PRKD1: variants seen among roughly 807,000 people sequenced by gnomAD.
PRKD1 encodes the protein protein kinase D1, also known as serine/threonine-protein kinase D1.
In PRKD1, 63 loss-of-function variants were observed where a neutral mutation model predicts 95.9. That is an observed-to-expected ratio of 0.66 (90% confidence interval 0.54 to 0.81). The LOEUF (loss-of-function observed/expected upper bound fraction) is 0.81, where lower values mean the gene tolerates loss of function less well. PRKD1 is among the 30% of genes least tolerant of loss of function. The pLI, the probability that PRKD1 is intolerant of heterozygous loss-of-function variation, is 0.00. For synonymous variants in PRKD1, 425 were observed against 423.1 expected (o/e 1.00, Z -0.05); for missense variants, 1,048 against 1,165.3 (o/e 0.90, Z 1.47).
At chr14:29,879,789 T>C (rs1679861829) in intron 1 of PRKD1, among the ~76,000 whole-genome samples, 1 of 152,146 alleles carries the variant, frequency 6.6e-6, no homozygotes, top group African/African-American at 2.4e-5. Context: ...ATGAGGAACT[T>C]GTTGGGAACT....
intron 15 of PRKD1, among the ~76,000 whole-genome samples, chr14:29,598,213 T>G (rs1893380777): frequency 6.6e-6 from 1 of 151,162 alleles, no homozygotes; most frequent in Non-Finnish European, 1.5e-5. Flanking sequence ...GAGGCAGAGG[T>G]TGCAGTGAGC....
intron 1 of PRKD1, among the ~76,000 whole-genome samples, chr14:29,746,297 A>G (rs1253581401): frequency 2.0e-5 from 3 of 151,186 alleles, no homozygotes; most frequent in Non-Finnish European, 4.4e-5. Context: ...AACCACACCA[A>G]CTTGGCTTGG....
intron 16 of PRKD1, among the ~76,000 whole-genome samples, chr14:29,580,462 A>ATGTG (rs140296435): frequency 6.6e-6 from 1 of 151,596 alleles, no homozygotes; most frequent in Non-Finnish European, 1.5e-5. Flanking sequence ...GTATAAATAA[A>ATGTG]TGTGTGTGTG....
chr14:29,665,692 G>T (rs1193486594), intron 3 of PRKD1, among the ~76,000 whole-genome samples: 2 of 152,022 alleles, frequency 1.3e-5, no homozygotes, highest in African/African-American at 2.4e-5. Context: ...AAGAGAATGT[G>T]GAGTGTATAC....
intron 10 of PRKD1, among the ~76,000 whole-genome samples, chr14:29,630,419 G>A (rs1879920230): frequency 6.6e-6 from 1 of 152,136 alleles, no homozygotes; most frequent in African/African-American, 2.4e-5. Flanking sequence ...GTTTAGAGGT[G>A]TGAGCCACTG....
intron 13 of PRKD1, among the ~76,000 whole-genome samples, chr14:29,612,710 T>C (rs931572552): frequency 6.6e-6 from 1 of 152,198 alleles, no homozygotes; most frequent in Non-Finnish European, 1.5e-5. Context: ...TAGACATATA[T>C]ACATAACCTA....
In PRKD1 at chr14:29,587,911, A is replaced by C. The variant is rs1892992125; in HGVS notation, c.2435-9551T>G. Among the ~76,000 whole-genome samples the C allele has an allele frequency of 2.6e-5, 4 of 152,180 alleles. No homozygotes were observed. The South Asian group carries it at 8.3e-4, about 31-fold the overall frequency. ...CCCCAGTGGAGGTTCTGACCACCAT[A>C]ATTCACTTTATCTTATCAATTCTGA... On this transcript the variant is annotated intron_variant, in intron 16 of 17. Coordinates refer to ENST00000331968, the MANE Select transcript of PRKD1 (RefSeq NM_002742.3).
chr14:29,731,356 C>T (rs1886425192), intron 1 of PRKD1, among the ~76,000 whole-genome samples: 1 of 151,978 alleles, frequency 6.6e-6, no homozygotes, highest in South Asian at 2.1e-4. Context: ...GTTTTATGGC[C>T]CAGGAGGTCA....
rs1209762830 is a variant in PRKD1, at chr14:29,597,873, A to G, written c.2167-115T>C. On this transcript the variant is annotated intron_variant, in intron 15 of 17. Transcript: ENST00000331968. ...TTTAAATACTTTACCTTTACATTAA[A>G]TGATATGGATTTCTTAAAGTAATAG... 6.4e-6 allele frequency: 7 copies of G among 1,093,702 alleles called. No homozygotes were observed. In the South Asian group the frequency reaches 1.2e-4, roughly 19 times the overall value. The allele number at this position is 1,093,702 out of a possible 1,614,324, so 67.7% of individuals were successfully genotyped here. A position where few individuals can be genotyped will look rare whatever the true frequency, so the allele number is the denominator to read the frequency against.
At chr14:29,675,370 C>G (rs1038384941) in intron 2 of PRKD1, among the ~76,000 whole-genome samples, 11 of 152,246 alleles carry the variant, frequency 7.2e-5, no homozygotes, top group African/African-American at 2.2e-4. Flanking sequence ...AGAACAATTC[C>G]CAAATTTTCT....
intron 1 of PRKD1, among the ~76,000 whole-genome samples, chr14:29,731,845 T>C (rs971011930): frequency 4.6e-5 from 7 of 152,042 alleles, no homozygotes; most frequent in Admixed American, 2.6e-4. Context: ...CCTCATCTTT[T>C]TGTGCAGTCT....
intron 4 of PRKD1, among the ~76,000 whole-genome samples, chr14:29,642,879 T>C (rs1223376878): frequency 2.0e-5 from 3 of 151,672 alleles, no homozygotes; most frequent in African/African-American, 4.8e-5. Context: ...TTTGGCCCCA[T>C]GTATTTGGTG....
At chr14:29,631,133 A>G (rs777367691) in intron 9 of PRKD1, 112 bp from the exon 10 acceptor site, 58 of 1,055,498 alleles carry the variant, frequency 5.5e-5, no homozygotes, top group Non-Finnish European at 7.4e-5. Flanking sequence ...CACCATTTAA[A>G]TAAAATACTT....
intron 2 of PRKD1, among the ~76,000 whole-genome samples, chr14:29,680,076 G>A (rs1003763519): frequency 3.9e-5 from 6 of 152,148 alleles, no homozygotes; most frequent in Admixed American, 2.0e-4. Context: ...TGGTTCAGTC[G>A]TTTGGAAGTC....
At chr14:29,902,016 A>G (rs2139431084) in intron 1 of PRKD1, among the ~76,000 whole-genome samples, 1 of 152,292 alleles carries the variant, frequency 6.6e-6, no homozygotes, top group South Asian at 2.1e-4. Flanking sequence ...CTATTTGTAA[A>G]CCAGTATTCT....
chr14:29,606,021 CT>C (rs776215087), intron 13 of PRKD1, among the ~76,000 whole-genome samples: 1 of 151,126 alleles, frequency 6.6e-6, no homozygotes, highest in Non-Finnish European at 1.5e-5. Context: ...TTTTCTTTTC[CT>C]TTTTTTTGGA....
chr14:29,820,877 A>G (rs767865041), intron 1 of PRKD1, among the ~76,000 whole-genome samples: 2 of 152,228 alleles, frequency 1.3e-5, no homozygotes, highest in African/African-American at 4.8e-5. Flanking sequence ...ACAAGGAAAG[A>G]GGCACAGATG....
intron 2 of PRKD1, among the ~76,000 whole-genome samples, chr14:29,715,231 G>A (rs750890779): frequency 3.9e-5 from 6 of 151,954 alleles, no homozygotes; most frequent in Non-Finnish European, 7.4e-5. Flanking sequence ...TCTGCAGGAT[G>A]TGCATGTGTG....
At chr14:29,898,400 G>A (rs1470791113) in intron 1 of PRKD1, among the ~76,000 whole-genome samples, 1 of 152,028 alleles carries the variant, frequency 6.6e-6, no homozygotes, top group East Asian at 1.9e-4. Context: ...AGTTCTTCAG[G>A]GAAGGGTATA....
Sources: allele counts gnomAD v4.1 joint callset (sites outside exome capture counted in the v4.1 genomes callset), GRCh38; gene constraint gnomAD v4.1.1; transcripts MANE v1.5; gene names NCBI Gene and HGNC (gene_info 2026-07-23, HGNC 2026-07-21).